The following LRRC37A2 variants were observed in gnomAD, a reference collection of about 807,000 sequenced individuals.
LRRC37A2 encodes the protein leucine rich repeat containing 37 member A2.
A neutral mutation model predicts 68.8 loss-of-function variants in LRRC37A2; 9 were observed. The observed-to-expected ratio is 0.13, with a 90% CI of 0.08 to 0.23. The LOEUF is 0.23. Among genes scored for constraint, LRRC37A2 ranks in the 10% least tolerant of loss-of-function variants. LRRC37A2 has a pLI of 1.00. For synonymous variants in LRRC37A2, 63 were observed against 367.6 expected, an observed-to-expected ratio of 0.17 and a Z score of 9.48; for missense variants, 168 against 950.4, an observed-to-expected ratio of 0.18 and a Z score of 10.82.
chr17:46,492,472 C>T, the LRRC37A2 span, among the ~76,000 whole-genome samples: 552 of 150,536 alleles, frequency 3.7e-3, 35 homozygotes, highest in African/African-American at 0.013. Flanking sequence ...ATAAAGCTGC[C>T]GTAAACATTT....
the LRRC37A2 span, among the ~76,000 whole-genome samples, chr17:46,575,422 G>A: frequency 1.3e-5 from 2 of 151,590 alleles, no homozygotes; most frequent in Admixed American, 6.6e-5. Context: ...CACTGGGAGC[G>A]TACTTGGTGT....
chr17:46,773,616 T>TGGGGGGGGGGGGGGGGGGGGG, the LRRC37A2 span: 1 of 997,790 alleles, frequency 1.0e-6, no homozygotes. Context: ...CATACAGTCC[T>TGGGGGGGGGGGGGGGGGGGGG]GATCCCTCCC....
chr17:46,783,320 G>C, the LRRC37A2 span, among the ~76,000 whole-genome samples: 1 of 152,234 alleles, frequency 6.6e-6, no homozygotes, highest in Non-Finnish European at 1.5e-5. Context: ...TGTGGAGTCA[G>C]TGGAAGTGCC....
chr17:46,991,848 T>C, the LRRC37A2 span, among the ~76,000 whole-genome samples: 4 of 152,256 alleles, frequency 2.6e-5, no homozygotes, highest in African/African-American at 9.6e-5. Context: ...ACATGATCTG[T>C]GGCTGCTTTT....
chr17:46,930,309 A>T, the LRRC37A2 span: 5 of 152,258 alleles, frequency 3.3e-5, no homozygotes, highest in South Asian at 1.0e-3. Context: ...TCACTTCTTT[A>T]TGGGGCAAGA....
chr17:46,745,486 C>G, the LRRC37A2 span, among the ~76,000 whole-genome samples: 1 of 152,164 alleles, frequency 6.6e-6, no homozygotes, highest in Admixed American at 6.5e-5. Flanking sequence ...CCCAATCTTT[C>G]AACACTTTGA....
At chr17:46,751,334 ATGG>A in the LRRC37A2 span, among the ~76,000 whole-genome samples, 2 of 152,184 alleles carry the variant, frequency 1.3e-5, no homozygotes, top group Non-Finnish European at 2.9e-5. Context: ...ATTGCACCTA[ATGG>A]GTTTAGGATG....
the LRRC37A2 span, chr17:46,872,736 C>T: frequency 1.9e-6 from 3 of 1,560,532 alleles, no homozygotes; most frequent in Non-Finnish European, 2.6e-6. Flanking sequence ...AGCGCTGGAA[C>T]TGTAGCCTGG....
chr17:46,957,096 C>T, the LRRC37A2 span, among the ~76,000 whole-genome samples: 5 of 152,178 alleles, frequency 3.3e-5, no homozygotes, highest in East Asian at 7.7e-4. Flanking sequence ...ATCGTGTGAA[C>T]CCAGGAGTTC....
the LRRC37A2 span, among the ~76,000 whole-genome samples, chr17:46,838,451 A>AC: frequency 1.3e-5 from 2 of 151,692 alleles, no homozygotes; most frequent in Non-Finnish European, 2.9e-5. Flanking sequence ...ACATACTGAG[A>AC]CCCCATTTCT....
At chr17:46,940,344 G>A in the LRRC37A2 span, 1 of 1,476,350 alleles carries the variant, frequency 6.8e-7, no homozygotes, top group Non-Finnish European at 9.0e-7. Context: ...CCTAAAATGG[G>A]TTGGGGCCCT....
the LRRC37A2 span, among the ~76,000 whole-genome samples, chr17:46,933,864 C>G: frequency 6.6e-6 from 1 of 151,440 alleles, no homozygotes; most frequent in Non-Finnish European, 1.5e-5. Context: ...CTCTCTGGAG[C>G]CTGAGGTGAG....
the LRRC37A2 span, among the ~76,000 whole-genome samples, chr17:46,990,432 TTGA>T: frequency 1.3e-5 from 2 of 152,206 alleles, no homozygotes; most frequent in Non-Finnish European, 2.9e-5. Flanking sequence ...GATCACACTA[TTGA>T]TGTTGTTGAA....
the LRRC37A2 span, among the ~76,000 whole-genome samples, chr17:46,769,328 AAAAAG>A: frequency 1.3e-5 from 2 of 151,998 alleles, no homozygotes; most frequent in Admixed American, 6.5e-5. Context: ...AAAAAAAAAA[AAAAAG>A]AAAAGAAAAA....
chr17:46,815,321 G>C, the LRRC37A2 span, among the ~76,000 whole-genome samples: 1 of 152,230 alleles, frequency 6.6e-6, no homozygotes, highest in Non-Finnish European at 1.5e-5. Flanking sequence ...AGGGGTGTCA[G>C]TCTGAGGCCC....
chr17:46,718,320 C>G, the LRRC37A2 span, among the ~76,000 whole-genome samples: 1 of 152,064 alleles, frequency 6.6e-6, no homozygotes, highest in East Asian at 1.9e-4. Flanking sequence ...CCACCTGAAG[C>G]TCAGTGAAAG....
chr17:46,841,549 G>T, the LRRC37A2 span, among the ~76,000 whole-genome samples: 1 of 152,372 alleles, frequency 6.6e-6, no homozygotes, highest in Non-Finnish European at 1.5e-5. Context: ...ATTGAGAGCG[G>T]GTTAAGGTGG....
the LRRC37A2 span, among the ~76,000 whole-genome samples, chr17:46,817,419 TTTAA>T: frequency 1.3e-5 from 2 of 152,186 alleles, no homozygotes; most frequent in African/African-American, 2.4e-5. Flanking sequence ...GGGAAGATTC[TTTAA>T]TTAAAGTTTT....
chr17:46,854,258 G>C, the LRRC37A2 span, among the ~76,000 whole-genome samples: 1 of 152,106 alleles, frequency 6.6e-6, no homozygotes, highest in African/African-American at 2.4e-5. Flanking sequence ...TGCATTCGCT[G>C]TCTGGGAGGA....
Sources: allele counts gnomAD v4.1 joint callset (sites outside exome capture counted in the v4.1 genomes callset), GRCh38; gene constraint gnomAD v4.1.1; transcripts MANE v1.5; gene names NCBI Gene and HGNC (gene_info 2026-07-23, HGNC 2026-07-21).